The following ADAMTS6 variants were observed in gnomAD, a reference collection of about 807,000 sequenced individuals.
ADAMTS6 encodes A disintegrin and metalloproteinase with thrombospondin motifs 6.
Under a neutral mutation model 144.3 loss-of-function variants are expected in ADAMTS6, and 23 were observed. The observed-to-expected ratio is 0.16, with a 90% CI of 0.11 to 0.23. The LOEUF (loss-of-function observed/expected upper bound fraction) is 0.23. Among genes scored for constraint, ADAMTS6 ranks in the 10% least tolerant of loss-of-function variants. The probability of loss-of-function intolerance (pLI) is 1.00; values close to 1 mark genes in which losing one functional copy is unlikely to be tolerated. For synonymous variants in ADAMTS6, 444 were observed against 457.5 expected, an observed-to-expected ratio of 0.97 and a Z score of 0.38; for missense variants, 999 against 1,379.6, an observed-to-expected ratio of 0.72 and a Z score of 4.37.
intron 11 of ADAMTS6, among the ~76,000 whole-genome samples, chr5:65,289,794 T>C (rs1547454): frequency 0.21 from 31,568 of 152,058 alleles, 3,336 homozygotes; most frequent in African/African-American, 0.24. Flanking sequence ...AACAAAAATA[T>C]AGATTATTTC....
At chr5:65,253,016 T>C (rs1337896617) in intron 14 of ADAMTS6, among the ~76,000 whole-genome samples, 1 of 151,956 alleles carries the variant, frequency 6.6e-6, no homozygotes, top group Non-Finnish European at 1.5e-5. Context: ...GCCTCCCAAG[T>C]AGCTGGGACT....
At chr5:65,358,485 C>G (rs755014931) in intron 7 of ADAMTS6, among the ~76,000 whole-genome samples, 25 of 152,112 alleles carry the variant, frequency 1.6e-4, no homozygotes, top group Admixed American at 3.9e-4. Flanking sequence ...CAATCCTTAC[C>G]AAACTTCCAA....
At chr5:65,403,735 C>G (rs928599563) in intron 7 of ADAMTS6, among the ~76,000 whole-genome samples, 4 of 152,058 alleles carry the variant, frequency 2.6e-5, no homozygotes, top group Non-Finnish European at 2.9e-5. Context: ...AAAAAAGTTA[C>G]ATGTAAAATA....
At chr5:65,382,305 G>A (rs1752111271) in intron 7 of ADAMTS6, among the ~76,000 whole-genome samples, 1 of 152,160 alleles carries the variant, frequency 6.6e-6, no homozygotes, top group Non-Finnish European at 1.5e-5. Context: ...GTTTAGATAA[G>A]GTATTAGTCA....
chr5:65,409,263 A>T (rs986046901), intron 7 of ADAMTS6, among the ~76,000 whole-genome samples: 3 of 152,216 alleles, frequency 2.0e-5, no homozygotes, highest in Non-Finnish European at 4.4e-5. Flanking sequence ...CAAGACTAAT[A>T]AAGCAGAAAA....
chr5:65,298,567 C>T lies in ADAMTS6; in HGVS notation c.1370+1418G>A, dbSNP rs567937813. Among the ~76,000 whole-genome samples, 9 of 152,196 alleles carry T rather than the reference C, an allele frequency of 5.9e-5. No individual in the cohort carries two copies. In the South Asian group the frequency reaches 1.5e-3, roughly 25 times the overall value. ...TATTGCTAGTGCTTTGTATTAAGAACGACCAAAAGATATCTTACAAATGCT... is the reference window on the plus strand; with the variant it reads ...TATTGCTAGTGCTTTGTATTAAGAATGACCAAAAGATATCTTACAAATGCT... On this transcript the variant is annotated intron_variant, in intron 10 of 24. Transcript: ENST00000381055.
intron 7 of ADAMTS6, among the ~76,000 whole-genome samples, chr5:65,448,091 A>C (rs1272156168): frequency 2.0e-5 from 3 of 150,368 alleles, no homozygotes; most frequent in Non-Finnish European, 4.4e-5. Context: ...ATTATATAGA[A>C]CATAGTATAC....
chr5:65,288,843 T>G (rs1742004515), intron 11 of ADAMTS6, among the ~76,000 whole-genome samples: 1 of 152,216 alleles, frequency 6.6e-6, no homozygotes, highest in South Asian at 2.1e-4. Context: ...CCATCTGAAG[T>G]ATGATTTGCT....
intron 7 of ADAMTS6, among the ~76,000 whole-genome samples, chr5:65,435,494 G>T (rs188011633): frequency 5.9e-5 from 9 of 152,062 alleles, no homozygotes; most frequent in African/African-American, 2.2e-4. Flanking sequence ...AATACTATAA[G>T]AATGTTAATT....
rs988631809 is a variant in ADAMTS6 at position 65,157,257 on chromosome 5, GT to G, written c.3245-5313del. The stretch of plus-strand genomic sequence containing the variant: ...CTACTTAACATTGATGTGCCAATGA[GT>G]TTTTCCCCAGGTGCTTTACATTAAT... On this transcript the variant is annotated intron_variant, in intron 24 of 24. Transcript: ENST00000381055. Among the ~76,000 whole-genome samples the G allele has an allele frequency of 2.6e-5, 4 of 152,336 alleles. No homozygotes were observed. The South Asian group carries it at 6.2e-4, about 24-fold the overall frequency.
intron 7 of ADAMTS6, among the ~76,000 whole-genome samples, chr5:65,405,746 A>G (rs1754408811): frequency 6.6e-6 from 1 of 152,128 alleles, no homozygotes; most frequent in Admixed American, 6.5e-5. Flanking sequence ...CACTATGGCC[A>G]TTTTCACGAT....
rs772766951 is a variant in ADAMTS6, at chr5:65,471,123, A to C, written c.117T>G (p.Leu39=). The C allele has an allele frequency of 1.3e-6, 2 of 1,597,140 alleles. No homozygotes were observed. Among genetic ancestry groups the C allele is most frequent in the Non-Finnish European group, 1.7e-6 (2 of 1,175,154 alleles). Residue 39 remains leucine (L), a synonymous_variant, in exon 3 of 25, where the codon CTT becomes CTG. Transcript: ENST00000381055. ...YSSQEEFLTY[L]EHYQLTIPIR... ...TTGGAATAGTTAGCTGGTAGTGTTC[A>C]AGATAAGTCAGGAATTCCTCTTTGT...
chr5:65,374,215 C>T (rs867332799), intron 7 of ADAMTS6, among the ~76,000 whole-genome samples: 3 of 152,138 alleles, frequency 2.0e-5, no homozygotes, highest in Non-Finnish European at 4.4e-5. Flanking sequence ...GGGATGGCCT[C>T]TCTCACCACT....
chr5:65,310,416 C>T (rs1009348529), intron 9 of ADAMTS6, among the ~76,000 whole-genome samples: 1 of 152,104 alleles, frequency 6.6e-6, no homozygotes, highest in Non-Finnish European at 1.5e-5. Flanking sequence ...GTCCCAGCTA[C>T]ATGGGAGGCT....
chr5:65,263,042 A>T, intron 12 of ADAMTS6, 80 bp from the exon 13 acceptor site: 2 of 1,542,492 alleles, frequency 1.3e-6, no homozygotes, highest in South Asian at 2.3e-5. Context: ...AGGGTCAGGT[A>T]CTGACCAACT....
chr5:65,398,464 C>T (rs754110543), intron 7 of ADAMTS6, among the ~76,000 whole-genome samples: 6 of 152,178 alleles, frequency 3.9e-5, no homozygotes, highest in Non-Finnish European at 7.3e-5. Flanking sequence ...GTGGCTCACG[C>T]CTGTAATCCC....
Position 65,451,283 on chromosome 5 carries a change from T to C in ADAMTS6, c.1073+192A>G, listed in dbSNP as rs573292205. 5.6e-4 allele frequency: 290 copies of C among 519,280 alleles called. 2 individuals are homozygous for C. The Middle Eastern group carries it at 0.016, about 29-fold the overall frequency. 32.2% of individuals were successfully genotyped at this position (519,280 alleles called of 1,614,324 possible). A position where few individuals can be genotyped will look rare whatever the true frequency, so the allele number is the denominator to read the frequency against. On this transcript the variant is annotated intron_variant, in intron 7 of 24. Coordinates refer to ENST00000381055, the MANE Select transcript of ADAMTS6 (RefSeq NM_197941.4). ...TTCTAAGTCAAATCTTAATATTTTC[T>C]TTTTTCTTATTTGGTTCATTTGATG...
rs571418193 is a variant in ADAMTS6 at position 65,437,136 on chromosome 5, C to T, written c.1073+14339G>A. ...TTGAGACAGAGTCTCGCTCTGTTGT[C>T]CAGGCTGGAGTGCAGTGGTGCGATC... is the stretch of plus-strand genomic sequence containing the variant. On this transcript the variant is annotated intron_variant, in intron 7 of 24. Coordinates refer to ENST00000381055, the MANE Select transcript of ADAMTS6 (RefSeq NM_197941.4). Among the ~76,000 whole-genome samples, 234 of 149,482 alleles carry T rather than the reference C, an allele frequency of 1.6e-3. 1 individual carries two copies. Among genetic ancestry groups the T allele is most frequent in the Non-Finnish European group, 3.0e-3 (202 of 67,624 alleles).
intron 7 of ADAMTS6, among the ~76,000 whole-genome samples, chr5:65,413,970 C>T (rs918151719): frequency 1.3e-5 from 2 of 152,102 alleles, no homozygotes; most frequent in Admixed American, 1.3e-4. Flanking sequence ...TTAAACTGAA[C>T]GAATCTGAGA....
Sources: gnomAD v4.1 joint callset for allele counts (sites outside exome capture counted in the v4.1 genomes callset) on GRCh38, gnomAD v4.1.1 for gene constraint, MANE v1.5 for transcripts, NCBI Gene and HGNC (gene_info 2026-07-23, HGNC 2026-07-21) for gene names.